The following THEMIS variants were observed in gnomAD, a reference collection of about 807,000 sequenced individuals.
THEMIS encodes the protein thymocyte selection associated, also known as protein THEMIS.
In THEMIS, 37 loss-of-function variants were observed where a neutral mutation model predicts 52.6. The ratio of observed to expected loss-of-function variants is 0.70; its 90% CI spans 0.54 to 0.93. THEMIS has a LOEUF of 0.93. Among genes scored for constraint, THEMIS ranks in the 40% least tolerant of loss-of-function variants. THEMIS has a pLI of 0.00. For missense variants in THEMIS, 808 were observed against 763.1 expected (o/e 1.06, Z -0.69); for synonymous variants, 292 against 272.7 (o/e 1.07, Z -0.70).
intron 2 of THEMIS, among the ~76,000 whole-genome samples, chr6:127,831,789 T>C (rs1382032248): frequency 2.0e-5 from 3 of 152,162 alleles, no homozygotes; most frequent in Non-Finnish European, 4.4e-5. Context: ...ACTCACTGTA[T>C]GCTGTGCTTG....
chr6:127,807,723 T>C (rs369748101), intron 4 of THEMIS, among the ~76,000 whole-genome samples: 6 of 152,204 alleles, frequency 3.9e-5, no homozygotes, highest in African/African-American at 1.4e-4. Flanking sequence ...TTATACTACA[T>C]CAGGTTAACA....
intron 4 of THEMIS, among the ~76,000 whole-genome samples, chr6:127,798,038 T>A (rs1421249186): frequency 6.6e-6 from 1 of 152,262 alleles, no homozygotes; most frequent in Non-Finnish European, 1.5e-5. Flanking sequence ...CATACGCATA[T>A]GTGTTCATAC....
intron 1 of THEMIS, among the ~76,000 whole-genome samples, chr6:127,867,930 A>C (rs1780034200): frequency 6.6e-6 from 1 of 152,092 alleles, no homozygotes; most frequent in African/African-American, 2.4e-5. Flanking sequence ...TTAAACACAC[A>C]CACACACACA....
intron 2 of THEMIS, among the ~76,000 whole-genome samples, chr6:127,830,413 T>A (rs1157462382): frequency 6.6e-6 from 1 of 152,128 alleles, no homozygotes; most frequent in African/African-American, 2.4e-5. Flanking sequence ...GATTAAAAGC[T>A]ATATAGCTGG....
chr6:127,852,231 C>G (rs1458800867), intron 2 of THEMIS, among the ~76,000 whole-genome samples: 1 of 151,392 alleles, frequency 6.6e-6, no homozygotes, highest in Admixed American at 6.6e-5. Context: ...TCAGAGCCTG[C>G]AAATACATGA....
At chr6:127,909,109 A>C (rs562046046) in intron 1 of THEMIS, among the ~76,000 whole-genome samples, 21 of 152,188 alleles carry the variant, frequency 1.4e-4, no homozygotes, top group African/African-American at 3.9e-4. Context: ...TATCTAGTTT[A>C]GTAAATTCAA....
intron 2 of THEMIS, among the ~76,000 whole-genome samples, chr6:127,852,179 A>AGTTTTCTT (rs1779449770): frequency 6.6e-6 from 1 of 151,576 alleles, no homozygotes; most frequent in Non-Finnish European, 1.5e-5. Flanking sequence ...GGGTCACTCC[A>AGTTTTCTT]TCAACAAGAG....
intron 1 of THEMIS, among the ~76,000 whole-genome samples, chr6:127,856,679 G>A (rs548870684): frequency 6.6e-6 from 1 of 151,958 alleles, no homozygotes; most frequent in South Asian, 2.1e-4. Flanking sequence ...TCAAGCTTCC[G>A]GTACATATTT....
At position 127,829,516 on chromosome 6, in the gene THEMIS, C is replaced by G. The variant is rs770699624; in HGVS notation, c.669G>C (p.Leu223=). The change falls in exon 3 of 6, where the codon CTG becomes CTC. Residue 223 remains leucine, a synonymous_variant. Coordinates refer to ENST00000368248, the MANE Select transcript of THEMIS (RefSeq NM_001010923.3). ...GAATTTCATAAACAGGCTTGAGAAT[C>G]AGGGTACCATAAAAGTCTTTAGGAA... ...NPFPKDFYGT[L]ILKPVYEIQG... 4 of 1,611,024 alleles carry G rather than the reference C, an allele frequency of 2.5e-6. No homozygotes were observed. The Admixed American group carries it at 5.0e-5, about 20-fold the overall frequency.
intron 2 of THEMIS, among the ~76,000 whole-genome samples, chr6:127,849,060 T>C (rs1404166712): frequency 6.6e-6 from 1 of 152,136 alleles, no homozygotes; most frequent in Admixed American, 6.6e-5. Flanking sequence ...TGGTTTTAGG[T>C]CTAACATTTA....
intron 1 of THEMIS, among the ~76,000 whole-genome samples, chr6:127,877,261 T>C (rs1780342452): frequency 1.3e-5 from 2 of 152,210 alleles, no homozygotes; most frequent in Non-Finnish European, 2.9e-5. Flanking sequence ...TTATCAGCAA[T>C]AAGGCTGTTT....
chr6:127,862,428 A>ATTTTTTTTTTTTTTTTTT (rs71028110), intron 1 of THEMIS, among the ~76,000 whole-genome samples: 1,363 of 72,666 alleles, frequency 0.019, 195 homozygotes, highest in Non-Finnish European at 0.028. Context: ...TAGGGAGTAA[A>ATTTTTTTTTTTTTTTTTT]TTTTTTTTTT....
At chr6:127,806,261 TC>T (rs1159597912) in intron 4 of THEMIS, among the ~76,000 whole-genome samples, 2 of 152,202 alleles carry the variant, frequency 1.3e-5, no homozygotes, top group Non-Finnish European at 2.9e-5. Context: ...CCAAATTTGC[TC>T]AAGCTTTTTG....
intron 5 of THEMIS, among the ~76,000 whole-genome samples, chr6:127,716,930 C>G (rs1774187338): frequency 6.6e-6 from 1 of 151,782 alleles, no homozygotes; most frequent in South Asian, 2.1e-4. Flanking sequence ...GGTTTCTCAC[C>G]CCCTCCATGT....
At chr6:127,858,106 G>A (rs1779677422) in intron 1 of THEMIS, among the ~76,000 whole-genome samples, 1 of 151,858 alleles carries the variant, frequency 6.6e-6, no homozygotes, top group African/African-American at 2.4e-5. Flanking sequence ...TTCTTTTAAA[G>A]GTTCAATTGG....
chr6:127,739,861 C>T (rs1206099844), intron 4 of THEMIS, among the ~76,000 whole-genome samples: 2 of 147,086 alleles, frequency 1.4e-5, no homozygotes, highest in African/African-American at 5.2e-5. Context: ...TCTAAGGTTC[C>T]ACTATGAATA....
chr6:127,823,009 T>C (rs769792491), intron 3 of THEMIS, among the ~76,000 whole-genome samples: 3 of 152,226 alleles, frequency 2.0e-5, no homozygotes, highest in Non-Finnish European at 2.9e-5. Context: ...ATTTGTTTTA[T>C]ATACAAATAA....
At chr6:127,884,047 A>G (rs1369743583) in intron 1 of THEMIS, among the ~76,000 whole-genome samples, 3 of 152,138 alleles carry the variant, frequency 2.0e-5, no homozygotes, top group Non-Finnish European at 1.5e-5. Context: ...ACTACAAATC[A>G]CCTGACAAAA....
intron 2 of THEMIS, among the ~76,000 whole-genome samples, chr6:127,854,476 T>C (rs1299986099): frequency 6.6e-6 from 1 of 151,640 alleles, no homozygotes; most frequent in Non-Finnish European, 1.5e-5. Context: ...TATGGGAACA[T>C]AAAAGAGAAA....
Sources: allele counts gnomAD v4.1 joint callset (sites outside exome capture counted in the v4.1 genomes callset), GRCh38; gene constraint gnomAD v4.1.1; transcripts MANE v1.5; gene names NCBI Gene and HGNC (gene_info 2026-07-23, HGNC 2026-07-21).